TLL1: variants seen among roughly 807,000 people sequenced by gnomAD.
TLL1 encodes tolloid-like protein 1.
In TLL1, 49 loss-of-function variants were observed where a neutral mutation model predicts 128.2. That is an observed-to-expected ratio of 0.38 (90% confidence interval 0.30 to 0.48). TLL1 has a LOEUF of 0.48. Ranked by LOEUF, TLL1 falls within the 20% of genes least tolerant of loss-of-function variation. The pLI is 0.96. For missense variants in TLL1, 1,123 were observed against 1,242.0 expected (o/e 0.90, Z 1.44); for synonymous variants, 454 against 418.8 (o/e 1.08, Z -1.03).
intron 1 of TLL1, among the ~76,000 whole-genome samples, chr4:165,897,886 G>T (rs904992562): frequency 6.6e-6 from 1 of 151,968 alleles, no homozygotes; most frequent in Non-Finnish European, 1.5e-5. Flanking sequence ...CCATTTGATT[G>T]TGTCCTCTTT....
chr4:166,020,448 G>T lies in TLL1; in HGVS notation c.1043-4868G>T, dbSNP rs79718366. 5.1e-3 allele frequency among the ~76,000 whole-genome samples: 773 copies of T among 152,236 alleles called. 2 individuals are homozygous for T. Among genetic ancestry groups the T allele is most frequent in the African/African-American group, 0.018 (731 of 41,548 alleles). On this transcript the variant is annotated intron_variant, in intron 8 of 20. Coordinates refer to ENST00000061240, the MANE Select transcript of TLL1 (RefSeq NM_012464.5). ...ACCCAATAATTAGCAGTTTATTTGT[G>T]AAGGAGATCATTTCTAAGGTATACG... is the stretch of plus-strand genomic sequence containing the variant.
At chr4:166,007,370 A>T (rs1335359493) in intron 6 of TLL1, among the ~76,000 whole-genome samples, 1 of 151,786 alleles carries the variant, frequency 6.6e-6, no homozygotes, top group East Asian at 1.9e-4. Flanking sequence ...CTGCCTTTTC[A>T]TCAAGAATAA....
intron 11 of TLL1, 150 bp from the exon 12 acceptor site, chr4:166,043,124 C>T: frequency 1.1e-6 from 1 of 919,024 alleles, no homozygotes; most frequent in South Asian, 1.4e-5. Context: ...TAAATATTTG[C>T]TACATTACAA....
chr4:166,077,989 A>T lies in TLL1; in HGVS notation c.2401A>T (p.Thr801Ser). 6.2e-7 allele frequency: 1 copy of T among 1,613,768 alleles called. No homozygotes were observed. The highest frequency in any genetic ancestry group is 8.5e-7 in the Non-Finnish European group (1 of 1,179,796). ...PDKYPSRKEC[T>S]WEISATPGHR... ...CAAGTACCCAAGCAGGAAAGAATGC[A>T]CTTGGGAAATCAGCGCCACTCCTGG... The change falls in exon 18 of 21, where the codon ACT (threonine) becomes TCT (serine). Residue 801 changes from threonine (T) to serine (S), a missense_variant. Transcript: ENST00000061240.
intron 1 of TLL1, among the ~76,000 whole-genome samples, chr4:165,879,660 A>G (rs888218804): frequency 2.6e-5 from 4 of 152,138 alleles, no homozygotes; most frequent in Non-Finnish European, 5.9e-5. Context: ...AAGAATGCTT[A>G]GAGAAGACAG....
At chr4:165,985,684 G>A (rs1250855685) in intron 1 of TLL1, among the ~76,000 whole-genome samples, 1 of 151,796 alleles carries the variant, frequency 6.6e-6, no homozygotes, top group Non-Finnish European at 1.5e-5. Context: ...AAGGCCTAGG[G>A]AATCACAATC....
At chr4:166,001,001 G>A (rs1166075968) in intron 5 of TLL1, among the ~76,000 whole-genome samples, 1 of 151,964 alleles carries the variant, frequency 6.6e-6, no homozygotes, top group Non-Finnish European at 1.5e-5. Flanking sequence ...GGCGACTAAA[G>A]CCTACAGAAA....
At chr4:166,040,959 G>C (rs897554738) in intron 10 of TLL1, among the ~76,000 whole-genome samples, 2 of 152,086 alleles carry the variant, frequency 1.3e-5, no homozygotes, top group African/African-American at 4.8e-5. Context: ...TAAGCATTTT[G>C]TGATCATGTG....
intron 1 of TLL1, among the ~76,000 whole-genome samples, chr4:165,961,894 C>A (rs1390088899): frequency 6.6e-6 from 1 of 152,060 alleles, no homozygotes; most frequent in Admixed American, 6.6e-5. Context: ...GCAGAAAAAG[C>A]TTTTGATATA....
chr4:166,079,864 A>G (rs558395519), intron 18 of TLL1, among the ~76,000 whole-genome samples: 1 of 152,264 alleles, frequency 6.6e-6, no homozygotes, highest in African/African-American at 2.4e-5. Context: ...TTTAAGTTTC[A>G]GTAATTTCTA....
At chr4:166,051,303 C>CT (rs946004657) in intron 12 of TLL1, among the ~76,000 whole-genome samples, 35 of 94,396 alleles carry the variant, frequency 3.7e-4, no homozygotes, top group African/African-American at 2.5e-3. Flanking sequence ...CCCTCCTTTC[C>CT]TTCCTTCCTT....
intron 12 of TLL1, among the ~76,000 whole-genome samples, chr4:166,050,873 C>A (rs1234082035): frequency 6.6e-6 from 1 of 152,100 alleles, no homozygotes; most frequent in East Asian, 1.9e-4. Flanking sequence ...AGATATGAAC[C>A]CTCAGTAGTG....
chr4:166,085,358 A>C (rs1480627225), intron 18 of TLL1, among the ~76,000 whole-genome samples: 1 of 149,900 alleles, frequency 6.7e-6, no homozygotes, highest in South Asian at 2.1e-4. Flanking sequence ...CTTATTTCAG[A>C]TCTTAGAGGA....
intron 1 of TLL1, among the ~76,000 whole-genome samples, chr4:165,960,715 A>T (rs1479537772): frequency 6.6e-6 from 1 of 152,124 alleles, no homozygotes; most frequent in Non-Finnish European, 1.5e-5. Flanking sequence ...AATATATATG[A>T]TCATCTCAAT....
intron 1 of TLL1, among the ~76,000 whole-genome samples, chr4:165,884,590 C>G (rs981285641): frequency 6.6e-6 from 1 of 152,190 alleles, no homozygotes; most frequent in Admixed American, 6.5e-5. Flanking sequence ...AATCCCAACA[C>G]TTTGGGAGGC....
chr4:165,963,176 C>G (rs1735202924), intron 1 of TLL1, among the ~76,000 whole-genome samples: 1 of 149,752 alleles, frequency 6.7e-6, no homozygotes, highest in Admixed American at 6.7e-5. Flanking sequence ...GGGAAGGAGA[C>G]AGGCAAGACA....
intron 7 of TLL1, among the ~76,000 whole-genome samples, chr4:166,010,855 T>C (rs1357782933): frequency 6.6e-6 from 1 of 151,318 alleles, no homozygotes; most frequent in Non-Finnish European, 1.5e-5. Context: ...AATTTTATTA[T>C]TCTATATGTA....
intron 1 of TLL1, among the ~76,000 whole-genome samples, chr4:165,927,758 A>T (rs1006883152): frequency 5.3e-5 from 8 of 151,990 alleles, no homozygotes; most frequent in Admixed American, 2.0e-4. Context: ...GCATCTAGGG[A>T]GTAGAGGCTG....
rs1252659797 is a variant in TLL1, at chr4:165,873,537, G to C, written c.-368G>C. Reference sequence around the variant, plus strand: ...CAGCTGAGCCCGCGGGGCGCCGCTCGCCGAGCCGCGGCCGCGGGAAGTTCG... The same window carrying C: ...CAGCTGAGCCCGCGGGGCGCCGCTCCCCGAGCCGCGGCCGCGGGAAGTTCG... On this transcript the variant is annotated 5_prime_UTR_variant, in exon 1 of 21. Transcript: ENST00000061240. The C allele has an allele frequency of 6.3e-6, 1 of 159,892 alleles. No homozygotes were observed. Among genetic ancestry groups the C allele is most frequent in the East Asian group, 1.8e-4 (1 of 5,536 alleles). 9.9% of individuals were successfully genotyped at this position (159,892 alleles called of 1,614,324 possible). A position where few individuals can be genotyped will look rare whatever the true frequency, so the allele number is the denominator to read the frequency against.
Sources: gnomAD v4.1 joint callset for allele counts (sites outside exome capture counted in the v4.1 genomes callset) on GRCh38, gnomAD v4.1.1 for gene constraint, MANE v1.5 for transcripts, NCBI Gene and HGNC (gene_info 2026-07-23, HGNC 2026-07-21) for gene names.